Variants in LCORL observed in about 807,000 individuals in gnomAD.
LCORL encodes the protein ligand dependent nuclear receptor corepressor like.
A neutral mutation model predicts 141.8 loss-of-function variants in LCORL; 41 were observed. The ratio of observed to expected loss-of-function variants is 0.29; its 90% CI spans 0.23 to 0.38. The LOEUF (loss-of-function observed/expected upper bound fraction) is 0.38, where lower values mean the gene tolerates loss of function less well. Ranked by LOEUF, LCORL falls within the 10% of genes least tolerant of loss-of-function variation. LCORL has a pLI of 1.00. For missense variants in LCORL, 1,759 were observed against 2,035.0 expected, an observed-to-expected ratio of 0.86 and a Z score of 2.61; for synonymous variants, 618 against 694.1, an observed-to-expected ratio of 0.89 and a Z score of 1.72.
At chr4:17,845,564 AAAC>A (rs1049834723) in exon 8 of LCORL, 6 of 482,680 alleles carry the variant, frequency 1.2e-5, no homozygotes, top group African/African-American at 1.2e-4. Context: ...CATGTAAAAA[AAAC>A]ATATAAAGAA....
At chr4:17,843,505 T>C (rs569430340) in exon 8 of LCORL, 1 of 1,507,812 alleles carries the variant, frequency 6.6e-7, no homozygotes, top group East Asian at 2.3e-5. Context: ...CTTGTCAAAA[T>C]CAGAACAAAC....
intron 1 of LCORL, among the ~76,000 whole-genome samples, chr4:18,006,683 A>G (rs1237018442): frequency 6.6e-6 from 1 of 152,078 alleles, no homozygotes; most frequent in Non-Finnish European, 1.5e-5. Flanking sequence ...TTTTAAAACC[A>G]TCAGATCTCA....
In LCORL at chr4:17,884,024, T is replaced by A; in HGVS notation, c.776+2044A>T. On this transcript the variant is annotated intron_variant, in intron 6 of 7. Transcript: ENST00000635767. This position sits in a 1 kb window ranked among gnomAD's most constrained non-coding sequence, Gnocchi z 4.4. ...TTTTCGATCTAATCCATCTTCAGTA[T>A]TTTCAGAGGTTCCATCAACTGTTCC... is the stretch of plus-strand genomic sequence containing the variant. 1 of 1,550,790 alleles carries A rather than the reference T, an allele frequency of 6.4e-7. No individual in the cohort carries two copies. The highest frequency in any genetic ancestry group is 8.7e-7 in the Non-Finnish European group (1 of 1,146,402).
At chr4:17,850,316 A>G (rs1295677837) in intron 7 of LCORL, among the ~76,000 whole-genome samples, 1 of 149,538 alleles carries the variant, frequency 6.7e-6, no homozygotes, top group Non-Finnish European at 1.5e-5. Flanking sequence ...CTGCACAGCA[A>G]AAGAAACTAC....
chr4:17,985,742 G>C (rs531067159), intron 1 of LCORL, among the ~76,000 whole-genome samples: 2 of 152,194 alleles, frequency 1.3e-5, no homozygotes, highest in East Asian at 3.9e-4. Flanking sequence ...TTTTCAAATA[G>C]TGCATTTTAC....
chr4:17,992,795 C>G (rs1720253274), intron 1 of LCORL, among the ~76,000 whole-genome samples: 1 of 152,138 alleles, frequency 6.6e-6, no homozygotes, highest in African/African-American at 2.4e-5. Flanking sequence ...GCTGGTAAAT[C>G]CAAGCACCAT....
intron 1 of LCORL, among the ~76,000 whole-genome samples, chr4:18,001,508 T>G (rs1721953549): frequency 6.6e-6 from 1 of 152,004 alleles, no homozygotes; most frequent in Admixed American, 6.6e-5. Flanking sequence ...TATTCAGGGG[T>G]AACATGAACA....
At chr4:17,865,874 T>C (rs1375549728) in intron 7 of LCORL, among the ~76,000 whole-genome samples, 1 of 152,160 alleles carries the variant, frequency 6.6e-6, no homozygotes, top group Non-Finnish European at 1.5e-5. Flanking sequence ...TGGTTAGGTG[T>C]CTTGCCCTAC....
At chr4:17,995,630 C>T (rs1720793492) in intron 1 of LCORL, among the ~76,000 whole-genome samples, 1 of 152,094 alleles carries the variant, frequency 6.6e-6, no homozygotes, top group Admixed American at 6.6e-5. Context: ...GGAATAAATA[C>T]ATGTACAAGA....
intron 4 of LCORL, among the ~76,000 whole-genome samples, chr4:17,947,766 C>G (rs902170581): frequency 6.6e-6 from 1 of 151,890 alleles, no homozygotes; most frequent in African/African-American, 2.4e-5. Context: ...GTATTCTCAC[C>G]AATCAGAACA....
chr4:17,884,243 C>G lies in LCORL; in HGVS notation c.776+1825G>C, dbSNP rs1326311633. The G allele has an allele frequency of 1.8e-5, 28 of 1,550,644 alleles. No individual in the cohort carries two copies. The highest frequency in any genetic ancestry group is 2.4e-5 in the Non-Finnish European group (28 of 1,146,406). On this transcript the variant is annotated intron_variant, in intron 6 of 7. Coordinates refer to ENST00000635767, the Ensembl canonical transcript of LCORL. This position sits in a 1 kb window ranked among gnomAD's most constrained non-coding sequence, Gnocchi z 4.4. ...ATACATAACATCCAACAGACCAGAA[C>G]CATCAGGTTGTGATTTTGAGACAGA...
Position 17,963,062 on chromosome 4 carries a change from GA to G in LCORL, c.221-14del. On this transcript the variant is annotated splice_polypyrimidine_tract_variant and intron_variant, in intron 2 of 7. Coordinates refer to ENST00000635767, the Ensembl canonical transcript of LCORL. ...TCTGGTTCACAGTCTTTAAAAGAGG[GA>G]AAAAATTCATTAAATATACTAACTT... is the stretch of plus-strand genomic sequence containing the variant. The G allele has an allele frequency of 1.3e-6, 2 of 1,490,674 alleles. No homozygotes were observed. Among genetic ancestry groups the G allele is most frequent in the Non-Finnish European group, 1.8e-6 (2 of 1,088,430 alleles). The allele number at this position is 1,490,674 out of a possible 1,614,324, so 92.3% of individuals were successfully genotyped here.
intron 2 of LCORL, among the ~76,000 whole-genome samples, chr4:17,969,100 A>G (rs1422200462): frequency 1.3e-5 from 2 of 152,230 alleles, no homozygotes; most frequent in Non-Finnish European, 2.9e-5. Context: ...AAGACATAAA[A>G]GATTAACTAA....
intron 1 of LCORL, among the ~76,000 whole-genome samples, chr4:17,998,011 C>T (rs879082104): frequency 6.6e-6 from 1 of 152,120 alleles, no homozygotes; most frequent in Non-Finnish European, 1.5e-5. Context: ...TCAGAGTGTA[C>T]TTACACAAAC....
intron 7 of LCORL, among the ~76,000 whole-genome samples, chr4:17,860,878 T>C (rs1196015602): frequency 6.6e-6 from 1 of 152,198 alleles, no homozygotes; most frequent in Non-Finnish European, 1.5e-5. Flanking sequence ...AGCTCTAAGA[T>C]GATCTCCTTT....
intron 7 of LCORL, among the ~76,000 whole-genome samples, chr4:17,848,139 C>G (rs1207685040): frequency 1.3e-5 from 2 of 151,932 alleles, no homozygotes; most frequent in African/African-American, 2.4e-5. Flanking sequence ...CACAGGTGCA[C>G]AAAACTATAC....
intron 4 of LCORL, among the ~76,000 whole-genome samples, chr4:17,945,484 C>CA (rs1738725467): frequency 6.6e-6 from 1 of 150,902 alleles, no homozygotes; most frequent in African/African-American, 2.4e-5. Flanking sequence ...AATTATCTGG[C>CA]AAAAAAATAG....
At chr4:17,894,893 CG>C (rs1560302937) in intron 5 of LCORL, among the ~76,000 whole-genome samples, 1 of 151,994 alleles carries the variant, frequency 6.6e-6, no homozygotes, top group Admixed American at 6.6e-5. Context: ...TGACATATCA[CG>C]AGGTACATAA....
intron 5 of LCORL, among the ~76,000 whole-genome samples, chr4:17,902,031 C>T (rs4144829): frequency 0.72 from 109,748 of 151,784 alleles, 39,934 homozygotes; most frequent in South Asian, 0.85. Context: ...GTAATATGTA[C>T]TTACAAAAAA....
Sources: allele counts gnomAD v4.1 joint callset (sites outside exome capture counted in the v4.1 genomes callset), GRCh38; gene constraint gnomAD v4.1.1; non-coding constraint Gnocchi (gnomAD v3.1); transcripts MANE v1.5; gene names NCBI Gene and HGNC (gene_info 2026-07-23, HGNC 2026-07-21).